KIF6: variants seen among roughly 807,000 people sequenced by gnomAD.
KIF6 encodes kinesin family member 6, also known as kinesin-like protein KIF6.
In KIF6, 106 loss-of-function variants were observed where a neutral mutation model predicts 112.7. The observed-to-expected ratio is 0.94, with a 90% confidence interval of 0.80 to 1.11. The LOEUF is 1.11. Among genes scored for constraint, KIF6 ranks in the 50% least tolerant of loss-of-function variants. KIF6 has a pLI of 0.00. For missense variants in KIF6, 929 were observed against 964.0 expected (o/e 0.96, Z 0.48); for synonymous variants, 339 against 339.9 (o/e 1.00, Z 0.03).
chr6:39,392,583 T>C (rs553721573), intron 15 of KIF6, among the ~76,000 whole-genome samples: 9 of 152,272 alleles, frequency 5.9e-5, no homozygotes, highest in East Asian at 1.9e-4. Context: ...AATAGGTGGA[T>C]AGAACAGAAA....
intron 7 of KIF6, among the ~76,000 whole-genome samples, chr6:39,588,428 T>A (rs1781754239): frequency 6.6e-6 from 1 of 152,130 alleles, no homozygotes; most frequent in Non-Finnish European, 1.5e-5. Flanking sequence ...TTGGCCAGGC[T>A]GGTCTCAAAC....
At chr6:39,455,222 G>T (rs1475000011) in intron 13 of KIF6, among the ~76,000 whole-genome samples, 1 of 151,862 alleles carries the variant, frequency 6.6e-6, no homozygotes, top group Non-Finnish European at 1.5e-5. Context: ...CCTGACCCCC[G>T]AGCAGCCTAA....
intron 3 of KIF6, among the ~76,000 whole-genome samples, chr6:39,667,899 T>C (rs1344521850): frequency 6.6e-6 from 1 of 152,182 alleles, no homozygotes. Context: ...GTGGGAGGTG[T>C]TTGGATCATG....
chr6:39,374,692 G>C (rs1766291372), intron 16 of KIF6, among the ~76,000 whole-genome samples: 1 of 152,168 alleles, frequency 6.6e-6, no homozygotes, highest in East Asian at 1.9e-4. Context: ...CCTCACACCT[G>C]TTAAAATGGC....
At chr6:39,500,294 G>A (rs925760923) in intron 13 of KIF6, among the ~76,000 whole-genome samples, 1 of 152,184 alleles carries the variant, frequency 6.6e-6, no homozygotes, top group African/African-American at 2.4e-5. Context: ...ATTATTAAAC[G>A]GAAAGACAGG....
intron 13 of KIF6, among the ~76,000 whole-genome samples, chr6:39,495,498 C>T (rs756123598): frequency 2.0e-4 from 31 of 152,244 alleles, no homozygotes; most frequent in Middle Eastern, 3.4e-3. Flanking sequence ...TCCCTCTTTC[C>T]CCAGGGGCCA....
intron 3 of KIF6, among the ~76,000 whole-genome samples, chr6:39,671,806 G>T (rs1394675633): frequency 1.3e-5 from 2 of 152,188 alleles, no homozygotes; most frequent in Non-Finnish European, 2.9e-5. Flanking sequence ...ACTGATTCCT[G>T]GCCAGGGCCA....
chr6:39,494,395 A>G (rs1355105011), intron 13 of KIF6, among the ~76,000 whole-genome samples: 1 of 152,242 alleles, frequency 6.6e-6, no homozygotes, highest in Non-Finnish European at 1.5e-5. Flanking sequence ...AACAACTGAC[A>G]GAAATTAACA....
intron 10 of KIF6, among the ~76,000 whole-genome samples, chr6:39,555,953 C>CA (rs35420944): frequency 0.25 from 19,711 of 77,514 alleles, 2,808 homozygotes; most frequent in African/African-American, 0.34. Flanking sequence ...GACGCTGTCT[C>CA]AAAAAAAAAA....
intron 13 of KIF6, among the ~76,000 whole-genome samples, chr6:39,465,576 GAC>G (rs2150430694): frequency 6.6e-6 from 1 of 152,136 alleles, no homozygotes; most frequent in African/African-American, 2.4e-5. Context: ...TTGTCTCCCT[GAC>G]TTTAGTCTGT....
chr6:39,607,483 G>C (rs961060243), intron 6 of KIF6, among the ~76,000 whole-genome samples: 1 of 152,006 alleles, frequency 6.6e-6, no homozygotes, highest in African/African-American at 2.4e-5. Flanking sequence ...ATACCTAGTA[G>C]GTATGTATAA....
intron 13 of KIF6, among the ~76,000 whole-genome samples, chr6:39,480,639 T>C (rs997905844): frequency 6.6e-6 from 1 of 152,192 alleles, no homozygotes; most frequent in Admixed American, 6.5e-5. Context: ...TGGTACCAAT[T>C]CTTCTTTGAA....
intron 10 of KIF6, among the ~76,000 whole-genome samples, chr6:39,549,138 A>T (rs1413069697): frequency 6.6e-6 from 1 of 152,100 alleles, no homozygotes; most frequent in Non-Finnish European, 1.5e-5. Flanking sequence ...ATATATGGCC[A>T]CATAATTAGA....
Position 39,335,414 on chromosome 6 carries a change from TCCTGTTA to T in KIF6, c.*1111_*1117del, listed in dbSNP as rs1319856011. On this transcript the variant is annotated 3_prime_UTR_variant, in exon 23 of 23. Transcript: ENST00000287152. The stretch of plus-strand genomic sequence containing the variant: ...AATGGTTTAATCTTCTCCTGCATGA[TCCTGTTA>T]CCCAGTCCTAAAAAACGAAAAAGAA... The T allele has an allele frequency of 2.6e-5, 4 of 152,238 alleles. No individual in the cohort carries two copies. Among genetic ancestry groups the T allele is most frequent in the Non-Finnish European group, 5.9e-5 (4 of 68,102 alleles). The allele number at this position is 152,238 out of a possible 1,614,324, so 9.4% of individuals were successfully genotyped here. A position where few individuals can be genotyped will look rare whatever the true frequency, so the allele number is the denominator to read the frequency against.
intron 14 of KIF6, among the ~76,000 whole-genome samples, chr6:39,427,140 G>A (rs771915054): frequency 2.6e-5 from 4 of 152,162 alleles, no homozygotes; most frequent in South Asian, 2.1e-4. Flanking sequence ...GGAAGCCATC[G>A]CTGAATTTCA....
chr6:39,395,084 G>T (rs887898007), intron 15 of KIF6, among the ~76,000 whole-genome samples: 8 of 152,160 alleles, frequency 5.3e-5, no homozygotes, highest in African/African-American at 1.9e-4. Context: ...TTTGGGGAAT[G>T]CTCTCATTTA....
chr6:39,437,333 T>G (rs1444899906), intron 13 of KIF6, among the ~76,000 whole-genome samples: 3 of 152,228 alleles, frequency 2.0e-5, no homozygotes, highest in Non-Finnish European at 4.4e-5. Context: ...TTTGACTTTC[T>G]CTTTTCCAAT....
At chr6:39,370,002 C>T (rs1386424190) in intron 16 of KIF6, among the ~76,000 whole-genome samples, 1 of 152,186 alleles carries the variant, frequency 6.6e-6, no homozygotes, top group Non-Finnish European at 1.5e-5. Context: ...CCCAGCCTAC[C>T]CCTCCAGGGG....
rs539338179 is a variant in KIF6, at chr6:39,516,536, A to T, written c.1645+23467T>A. On this transcript the variant is annotated intron_variant, in intron 13 of 22. Coordinates refer to ENST00000287152, the MANE Select transcript of KIF6 (RefSeq NM_145027.6). Reference sequence around the variant, plus strand: ...TGTATATATTATTTAAATATAAATAAATAAAGGAAATGATCTCATACCCAC... The same window carrying T: ...TGTATATATTATTTAAATATAAATATATAAAGGAAATGATCTCATACCCAC... 3.3e-4 allele frequency among the ~76,000 whole-genome samples: 49 copies of T among 150,234 alleles called. 1 individual carries two copies. Among genetic ancestry groups the T allele is most frequent in the South Asian group, 1.7e-3 (8 of 4,798 alleles).
Sources: allele counts gnomAD v4.1 joint callset (sites outside exome capture counted in the v4.1 genomes callset), GRCh38; gene constraint gnomAD v4.1.1; transcripts MANE v1.5; gene names NCBI Gene and HGNC (gene_info 2026-07-23, HGNC 2026-07-21).